Variants in AFAP1 observed in about 807,000 individuals in gnomAD.
AFAP1 encodes the protein actin filament-associated protein 1.
In AFAP1, 75 loss-of-function variants were observed where a neutral mutation model predicts 93.9. That is an observed-to-expected ratio of 0.80 (90% confidence interval 0.66 to 0.97). The LOEUF (loss-of-function observed/expected upper bound fraction) is 0.97. Among genes scored for constraint, AFAP1 ranks in the 50% least tolerant of loss-of-function variants. The pLI is 0.00. For missense variants in AFAP1, 1,201 were observed against 1,050.8 expected (o/e 1.14, Z -1.98); for synonymous variants, 517 against 430.7 (o/e 1.20, Z -2.48).
chr4:7,884,630 A>G (rs1341537561), intron 1 of AFAP1, among the ~76,000 whole-genome samples: 3 of 152,210 alleles, frequency 2.0e-5, no homozygotes, highest in African/African-American at 7.2e-5. Context: ...ACTGGTAACT[A>G]TTTGGGAAAA....
At chr4:7,938,428 T>A (rs1382327746) in intron 1 of AFAP1, among the ~76,000 whole-genome samples, 2 of 151,946 alleles carry the variant, frequency 1.3e-5, no homozygotes, top group African/African-American at 4.8e-5. Context: ...ACATAACAGG[T>A]TTTTCAAAAG....
At chr4:7,899,557 A>C (rs2149215799) in intron 1 of AFAP1, among the ~76,000 whole-genome samples, 1 of 152,380 alleles carries the variant, frequency 6.6e-6, no homozygotes, top group Non-Finnish European at 1.5e-5. Flanking sequence ...GCTTATATAA[A>C]AGAAAACCTC....
At chr4:7,801,684 C>G (rs1030955652) in intron 9 of AFAP1, among the ~76,000 whole-genome samples, 21 of 151,972 alleles carry the variant, frequency 1.4e-4, no homozygotes, top group African/African-American at 4.8e-4. Flanking sequence ...TTCAGCTACT[C>G]CTTCAATTCA....
chr4:7,838,280 G>C (rs1375196308), intron 6 of AFAP1, among the ~76,000 whole-genome samples: 3 of 152,136 alleles, frequency 2.0e-5, no homozygotes, highest in Non-Finnish European at 4.4e-5. Flanking sequence ...GAAAATAAAA[G>C]AGAAAGTCGT....
At position 7,759,754 on chromosome 4, in the gene AFAP1, G is replaced by A. The variant is rs1713520321; in HGVS notation, c.*4011C>T. 1 of 152,400 alleles carries A rather than the reference G, an allele frequency of 6.6e-6. No individual in the cohort carries two copies. The highest frequency in any genetic ancestry group is 2.4e-5 in the African/African-American group (1 of 41,478). 9.4% of individuals were successfully genotyped at this position (152,400 alleles called of 1,614,324 possible). A position where few individuals can be genotyped will look rare whatever the true frequency, so the allele number is the denominator to read the frequency against. ...ACCCTGATGCCTGGAGACCTCCAGT[G>A]CTGTGTTCCCAGAAGAGGCTGTTTC... On this transcript the variant is annotated 3_prime_UTR_variant, in exon 18 of 18. Coordinates refer to ENST00000420658, the MANE Select transcript of AFAP1 (RefSeq NM_001134647.2).
At chr4:7,901,616 G>A (rs1261485604) in intron 1 of AFAP1, among the ~76,000 whole-genome samples, 1 of 152,222 alleles carries the variant, frequency 6.6e-6, no homozygotes, top group African/African-American at 2.4e-5. Context: ...GATAGGGAAG[G>A]TAGGGAAGAG....
intron 15 of AFAP1, chr4:7,774,538 G>A (rs1011194612): frequency 2.1e-5 from 16 of 764,782 alleles, no homozygotes; most frequent in African/African-American, 8.9e-5. Flanking sequence ...CTGCCTGCAC[G>A]CCGCATGTTT....
chr4:7,909,071 G>C (rs4549363), intron 1 of AFAP1, among the ~76,000 whole-genome samples: 1 of 151,992 alleles, frequency 6.6e-6, no homozygotes, highest in Non-Finnish European at 1.5e-5. Context: ...TCTTTGGTTC[G>C]AGGGGTAAGG....
chr4:7,874,077 T>C (rs1386688198), intron 1 of AFAP1, among the ~76,000 whole-genome samples: 1 of 152,248 alleles, frequency 6.6e-6, no homozygotes, highest in Admixed American at 6.5e-5. Flanking sequence ...CCTAATGTCA[T>C]ATGTTGACAT....
At chr4:7,768,545 C>T (rs557664436) in intron 17 of AFAP1, among the ~76,000 whole-genome samples, 2 of 152,230 alleles carry the variant, frequency 1.3e-5, no homozygotes, top group Non-Finnish European at 2.9e-5. Context: ...ACTGAGAAAA[C>T]GAGTCCAGAG....
intron 4 of AFAP1, among the ~76,000 whole-genome samples, chr4:7,850,011 G>C (rs1714254900): frequency 6.6e-6 from 1 of 152,174 alleles, no homozygotes; most frequent in Non-Finnish European, 1.5e-5. Context: ...GGGACGAGGA[G>C]AGAAGCCCTC....
intron 5 of AFAP1, 90 bp downstream of exon 5, chr4:7,843,049 C>T (rs1713246003): frequency 2.1e-6 from 3 of 1,417,090 alleles, no homozygotes; most frequent in East Asian, 4.6e-5. Context: ...CCTTCCTGCA[C>T]AGCTGATGTT....
intron 10 of AFAP1, among the ~76,000 whole-genome samples, chr4:7,798,163 C>T (rs1442752784): frequency 3.7e-5 from 4 of 109,392 alleles, no homozygotes; most frequent in Non-Finnish European, 8.1e-5. Context: ...GGCACTGCAA[C>T]TCTACTGGCT....
chr4:7,837,982 C>T (rs1032132701), intron 6 of AFAP1, among the ~76,000 whole-genome samples: 4 of 152,200 alleles, frequency 2.6e-5, no homozygotes, highest in Non-Finnish European at 1.5e-5. Flanking sequence ...CCGCTACATT[C>T]CAGCCTGGGC....
At chr4:7,917,307 AGGG>A (rs1438529805) in intron 1 of AFAP1, among the ~76,000 whole-genome samples, 1 of 152,158 alleles carries the variant, frequency 6.6e-6, no homozygotes, top group Non-Finnish European at 1.5e-5. Flanking sequence ...GAGTGGGGGT[AGGG>A]GGACTCAATG....
chr4:7,926,062 T>A (rs1249236921), intron 1 of AFAP1, among the ~76,000 whole-genome samples: 1 of 152,146 alleles, frequency 6.6e-6, no homozygotes, highest in African/African-American at 2.4e-5. Flanking sequence ...AAGCGCAAAA[T>A]GTCGAGAAAA....
intron 16 of AFAP1, among the ~76,000 whole-genome samples, chr4:7,770,479 G>C (rs1447005957): frequency 2.0e-5 from 3 of 152,206 alleles, no homozygotes; most frequent in Non-Finnish European, 4.4e-5. Flanking sequence ...CTGCAAGCAT[G>C]CTGCAAGCAT....
intron 1 of AFAP1, among the ~76,000 whole-genome samples, chr4:7,912,656 C>G (rs1319671532): frequency 2.0e-5 from 3 of 152,228 alleles, no homozygotes; most frequent in East Asian, 3.9e-4. Context: ...TTTGATAGTT[C>G]TTTATGTATT....
intron 1 of AFAP1, among the ~76,000 whole-genome samples, chr4:7,889,583 A>G (rs1007560879): frequency 6.6e-6 from 1 of 151,336 alleles, no homozygotes; most frequent in African/African-American, 2.4e-5. Flanking sequence ...CATACATATA[A>G]AAACTAAAGT....
Sources: allele counts gnomAD v4.1 joint callset (sites outside exome capture counted in the v4.1 genomes callset), GRCh38; gene constraint gnomAD v4.1.1; transcripts MANE v1.5; gene names NCBI Gene and HGNC (gene_info 2026-07-23, HGNC 2026-07-21).